KREMEN1: variants seen among roughly 807,000 people sequenced by gnomAD.
The protein encoded by KREMEN1 is kremen protein 1.
A neutral mutation model predicts 46.5 loss-of-function variants in KREMEN1; 30 were observed. The observed-to-expected ratio is 0.65, with a 90% CI of 0.48 to 0.88. KREMEN1 has a LOEUF of 0.88. Among genes scored for constraint, KREMEN1 ranks in the 40% least tolerant of loss-of-function variants. KREMEN1 has a pLI of 0.00. For synonymous variants in KREMEN1, 214 were observed against 230.6 expected (o/e 0.93, Z 0.65); for missense variants, 533 against 596.9 (o/e 0.89, Z 1.11).
intron 3 of KREMEN1, among the ~76,000 whole-genome samples, chr22:29,120,799 C>T (rs1464582298): frequency 1.3e-5 from 2 of 152,182 alleles, no homozygotes; most frequent in African/African-American, 4.8e-5. Context: ...CTTAGTACTC[C>T]TGACCTCCAG....
At chr22:29,125,191 C>G (rs1305852398) in intron 4 of KREMEN1, 72 bp from the exon 5 acceptor site, 8 of 1,559,990 alleles carry the variant, frequency 5.1e-6, no homozygotes, top group South Asian at 1.2e-5. Context: ...GGAAGCCCAC[C>G]CTGCCAGGCT....
Position 29,143,375 on chromosome 22 carries a change from G to A in KREMEN1, c.*1263G>A. 1 of 985,368 alleles carries A rather than the reference G, an allele frequency of 1.0e-6. No homozygotes were observed. The highest frequency in any genetic ancestry group is 1.2e-6 in the Non-Finnish European group (1 of 829,942). The allele number at this position is 985,368 out of a possible 1,614,324, so 61.0% of individuals were successfully genotyped here. The stretch of plus-strand genomic sequence containing the variant: ...TGGAGAGTATCAATCTTGTGTTTTT[G>A]CCCTTAGGCAGCACTATATGAGACA... On this transcript the variant is annotated 3_prime_UTR_variant, in exon 9 of 9. Transcript: ENST00000400335.
chr22:29,122,763 C>T (rs1351874056), intron 4 of KREMEN1, among the ~76,000 whole-genome samples: 1 of 151,710 alleles, frequency 6.6e-6, no homozygotes, highest in Non-Finnish European at 1.5e-5. Flanking sequence ...CATGGTGAAA[C>T]CCCGTCTGTA....
chr22:29,155,245 C>CTT (rs1169859561), intron 9 of KREMEN1, among the ~76,000 whole-genome samples: 1 of 152,122 alleles, frequency 6.6e-6, no homozygotes, highest in East Asian at 1.9e-4. Flanking sequence ...AGGAAGAAGA[C>CTT]AGGAGGAGGC....
At chr22:29,086,712 T>C (rs2145748048) in intron 1 of KREMEN1, among the ~76,000 whole-genome samples, 1 of 152,300 alleles carries the variant, frequency 6.6e-6, no homozygotes, top group African/African-American at 2.4e-5. Context: ...AACAGGGCGA[T>C]AGGTGTGCTA....
chr22:29,146,863 GAGCGTGGGACA>G, downstream of KREMEN1: 1 of 889,368 alleles, frequency 1.1e-6, no homozygotes, highest in Non-Finnish European at 1.3e-6. Flanking sequence ...GTTCCCCAGA[GAGCGTGGGACA>G]AGCGGAGGGT....
intron 1 of KREMEN1, among the ~76,000 whole-genome samples, chr22:29,092,215 A>C (rs549503625): frequency 2.2e-4 from 33 of 152,334 alleles, no homozygotes; most frequent in Admixed American, 7.8e-4. Flanking sequence ...TAGGGAAGTC[A>C]ACAGGACTTG....
At chr22:29,099,038 T>A in intron 3 of KREMEN1, 85 bp downstream of exon 3, 1 of 977,432 alleles carries the variant, frequency 1.0e-6, no homozygotes, top group South Asian at 1.3e-5. Context: ...AGAGGTCAGG[T>A]AGTTAGGCTG....
At chr22:29,077,882 G>C (rs1026006516) in intron 1 of KREMEN1, among the ~76,000 whole-genome samples, 2 of 152,194 alleles carry the variant, frequency 1.3e-5, no homozygotes, top group African/African-American at 4.8e-5. Flanking sequence ...TACATTTTAT[G>C]TTAATATTTT....
At chr22:29,131,550 ATATATATATATG>A (rs1201948891) in intron 5 of KREMEN1, among the ~76,000 whole-genome samples, 2 of 62,682 alleles carry the variant, frequency 3.2e-5, no homozygotes, top group African/African-American at 1.4e-4. Flanking sequence ...ATATATATAT[ATATATATATATG>A]TGTGTGTGTG....
chr22:29,078,902 A>C (rs2037613048), intron 1 of KREMEN1, among the ~76,000 whole-genome samples: 1 of 152,242 alleles, frequency 6.6e-6, no homozygotes, highest in South Asian at 2.1e-4. Flanking sequence ...CAGCCTTGTC[A>C]TTGGTGAGAA....
intron 1 of KREMEN1, among the ~76,000 whole-genome samples, chr22:29,093,434 G>A (rs1163903359): frequency 6.6e-6 from 1 of 152,108 alleles, no homozygotes; most frequent in Non-Finnish European, 1.5e-5. Flanking sequence ...GAACCTCTTC[G>A]AGTTTAATGC....
intron 5 of KREMEN1, among the ~76,000 whole-genome samples, chr22:29,131,560 A>ATATATATATACGTG: frequency 1.4e-5 from 1 of 69,942 alleles, no homozygotes; most frequent in East Asian, 3.3e-4. Context: ...ATATATATAT[A>ATATATATATACGTG]TGTGTGTGTG....
At chr22:29,148,690 G>C (rs1873406934), downstream of KREMEN1, among the ~76,000 whole-genome samples, 1 of 152,090 alleles carries the variant, frequency 6.6e-6, no homozygotes, top group Middle Eastern at 3.4e-3. Context: ...CCTAACCTCA[G>C]GTGATCCGCC....
intron 9 of KREMEN1, among the ~76,000 whole-genome samples, chr22:29,161,613 T>C (rs1205754311): frequency 6.6e-6 from 1 of 151,144 alleles, no homozygotes; most frequent in Non-Finnish European, 1.5e-5. Context: ...CCACCAGATG[T>C]ACAAGGAAGA....
intron 5 of KREMEN1, among the ~76,000 whole-genome samples, chr22:29,125,789 G>GT (rs201342171): frequency 0.012 from 1,734 of 147,268 alleles, 22 homozygotes; most frequent in African/African-American, 0.037. Flanking sequence ...CCTTTTGACT[G>GT]TTTTTTTTTT....
intron 3 of KREMEN1, among the ~76,000 whole-genome samples, chr22:29,113,091 G>C (rs1013008525): frequency 2.0e-5 from 3 of 152,154 alleles, no homozygotes; most frequent in African/African-American, 7.2e-5. Flanking sequence ...TGCCCAGACT[G>C]GTCCTATAAG....
intron 3 of KREMEN1, among the ~76,000 whole-genome samples, chr22:29,108,828 T>C (rs2038100109): frequency 6.6e-6 from 1 of 152,200 alleles, no homozygotes; most frequent in Non-Finnish European, 1.5e-5. Context: ...CTTGCTCTGT[T>C]GCCCAGGCTG....
intron 9 of KREMEN1, among the ~76,000 whole-genome samples, chr22:29,161,330 AC>A (rs1411826093): frequency 2.6e-5 from 4 of 151,578 alleles, no homozygotes; most frequent in Non-Finnish European, 5.9e-5. Context: ...ACATGATGAA[AC>A]CCCGTCTGTA....
Sources: allele counts gnomAD v4.1 joint callset (sites outside exome capture counted in the v4.1 genomes callset), GRCh38; gene constraint gnomAD v4.1.1; transcripts MANE v1.5; gene names NCBI Gene and HGNC (gene_info 2026-07-23, HGNC 2026-07-21).